Variants in MAP4K3 observed in about 807,000 individuals in gnomAD.
MAP4K3 encodes the protein MAPK/ERK kinase kinase kinase 3.
In MAP4K3, 94 loss-of-function variants were observed where a neutral mutation model predicts 143.5. The observed-to-expected ratio is 0.65, with a 90% confidence interval of 0.55 to 0.78. The LOEUF (loss-of-function observed/expected upper bound fraction) is 0.78, where lower values mean the gene tolerates loss of function less well. MAP4K3 is among the 30% of genes least tolerant of loss of function. The pLI is 0.00. For missense variants in MAP4K3, 1,077 were observed against 1,068.1 expected, an observed-to-expected ratio of 1.01 and a Z score of -0.12; for synonymous variants, 416 against 347.2, an observed-to-expected ratio of 1.20 and a Z score of -2.20.
At chr2:39,415,549 A>G (rs1667346594) in intron 1 of MAP4K3, among the ~76,000 whole-genome samples, 1 of 152,158 alleles carries the variant, frequency 6.6e-6, no homozygotes, top group Non-Finnish European at 1.5e-5. Flanking sequence ...GATCAATCAC[A>G]CTGTGCCACT....
chr2:39,254,611 T>C, intron 31 of MAP4K3, 91 bp from the exon 32 acceptor site: 1 of 885,952 alleles, frequency 1.1e-6, no homozygotes, highest in South Asian at 1.7e-5. Context: ...ACAGCAATAT[T>C]TCAATTCACA....
intron 1 of MAP4K3, among the ~76,000 whole-genome samples, chr2:39,408,303 G>A (rs1667148733): frequency 6.6e-6 from 1 of 152,030 alleles, no homozygotes; most frequent in African/African-American, 2.4e-5. Flanking sequence ...GTTCAACACT[G>A]AAGATGTCAA....
Position 39,381,285 on chromosome 2 carries a change from A to T in MAP4K3, c.97-3162T>A, listed in dbSNP as rs138695042. ...GGACCTGTTTTCAATTTTCCATTTG[A>T]ATATCTTCTTTGGAGAACTGTCTAT... is the stretch of plus-strand genomic sequence containing the variant. On this transcript the variant is annotated intron_variant, in intron 1 of 33. Coordinates refer to ENST00000263881, the MANE Select transcript of MAP4K3 (RefSeq NM_003618.4). Among the ~76,000 whole-genome samples the T allele has an allele frequency of 1.3e-4, 20 of 152,316 alleles. No individual in the cohort carries two copies. In the East Asian group the frequency reaches 3.9e-3, roughly 29 times the overall value.
chr2:39,428,821 G>C (rs1020255719), intron 1 of MAP4K3, among the ~76,000 whole-genome samples: 1 of 151,792 alleles, frequency 6.6e-6, no homozygotes, highest in Non-Finnish European at 1.5e-5. Flanking sequence ...TGTAATCCCA[G>C]CACCTTGGGA....
At chr2:39,254,701 T>C (rs533829901) in intron 31 of MAP4K3, among the ~76,000 whole-genome samples, 181 bp from the exon 32 acceptor site, 4 of 152,240 alleles carry the variant, frequency 2.6e-5, no homozygotes, top group African/African-American at 9.6e-5. Context: ...AGCTTATGCA[T>C]CTTTTTGGTA....
chr2:39,273,406 T>C (rs1681117241), intron 24 of MAP4K3, among the ~76,000 whole-genome samples: 1 of 152,150 alleles, frequency 6.6e-6, no homozygotes, highest in African/African-American at 2.4e-5. Flanking sequence ...AGACTGAAGT[T>C]TGAGAGCCAC....
chr2:39,392,768 A>T (rs1368051504), intron 1 of MAP4K3, among the ~76,000 whole-genome samples: 2 of 152,190 alleles, frequency 1.3e-5, no homozygotes, highest in African/African-American at 4.8e-5. Flanking sequence ...TGAGTTGGTT[A>T]TAAAAGTGAG....
intron 18 of MAP4K3, among the ~76,000 whole-genome samples, 166 bp from the exon 19 acceptor site, chr2:39,290,500 T>G (rs931811609): frequency 1.6e-4 from 25 of 152,162 alleles, no homozygotes; most frequent in Non-Finnish European, 2.9e-5. Flanking sequence ...GCTAGAGGTA[T>G]TATTCAGAAG....
intron 3 of MAP4K3, among the ~76,000 whole-genome samples, chr2:39,348,456 T>A (rs900933198): frequency 6.6e-5 from 10 of 152,176 alleles, no homozygotes; most frequent in Middle Eastern, 3.2e-3. Flanking sequence ...GCTTGAGTAG[T>A]CATAGTCTAT....
intron 2 of MAP4K3, among the ~76,000 whole-genome samples, chr2:39,361,828 C>T (rs1247172637): frequency 6.6e-6 from 1 of 151,688 alleles, no homozygotes; most frequent in Non-Finnish European, 1.5e-5. Flanking sequence ...ATTATAATGA[C>T]ATCTGTCAAG....
rs115941514 is a variant in MAP4K3, at chr2:39,365,319, T to A, written c.155-8980A>T. 6.1e-3 allele frequency among the ~76,000 whole-genome samples: 928 copies of A among 152,160 alleles called. 13 individuals carry two copies. The highest frequency in any genetic ancestry group is 0.021 in the African/African-American group (869 of 41,512). The stretch of plus-strand genomic sequence containing the variant: ...TCGGAGTCTCATTATGATGGTAACA[T>A]CATGGCCTGAACTAGTTTTTCAGGT... On this transcript the variant is annotated intron_variant, in intron 2 of 33. Coordinates refer to ENST00000263881, the MANE Select transcript of MAP4K3 (RefSeq NM_003618.4).
At chr2:39,301,285 A>C (rs1682500897) in intron 15 of MAP4K3, among the ~76,000 whole-genome samples, 1 of 152,224 alleles carries the variant, frequency 6.6e-6, no homozygotes, top group South Asian at 2.1e-4. Flanking sequence ...GTTGACTGTC[A>C]CACTGGTATC....
intron 2 of MAP4K3, among the ~76,000 whole-genome samples, chr2:39,366,311 A>G (rs1318798622): frequency 6.6e-6 from 1 of 152,028 alleles, no homozygotes; most frequent in Non-Finnish European, 1.5e-5. Context: ...GGTTAGAGGG[A>G]GATTTTAAAA....
intron 2 of MAP4K3, among the ~76,000 whole-genome samples, chr2:39,356,910 C>G (rs952338736): frequency 6.6e-6 from 1 of 152,104 alleles, no homozygotes; most frequent in Non-Finnish European, 1.5e-5. Context: ...GGGCAGGAAC[C>G]CTTATACACC....
intron 8 of MAP4K3, among the ~76,000 whole-genome samples, chr2:39,328,041 C>T (rs556689844): frequency 1.2e-4 from 18 of 152,244 alleles, no homozygotes; most frequent in Non-Finnish European, 2.5e-4. Flanking sequence ...TAAAAGTTAG[C>T]GAATGCTGGC....
chr2:39,351,339 C>A (rs1411020096), intron 3 of MAP4K3, among the ~76,000 whole-genome samples: 1 of 152,212 alleles, frequency 6.6e-6, no homozygotes, highest in Non-Finnish European at 1.5e-5. Context: ...GGAATTACAT[C>A]ATTCACAGAG....
At chr2:39,415,131 TA>T (rs1374447973) in intron 1 of MAP4K3, among the ~76,000 whole-genome samples, 2 of 152,182 alleles carry the variant, frequency 1.3e-5, no homozygotes, top group Non-Finnish European at 2.9e-5. Flanking sequence ...CCTACACTTG[TA>T]AAAGTCCAAA....
intron 4 of MAP4K3, among the ~76,000 whole-genome samples, chr2:39,339,139 G>C (rs1056505200): frequency 2.6e-5 from 4 of 152,158 alleles, no homozygotes; most frequent in Non-Finnish European, 4.4e-5. Flanking sequence ...TAACAGATTT[G>C]TAAACATGTT....
intron 1 of MAP4K3, among the ~76,000 whole-genome samples, chr2:39,430,841 T>C (rs1665261615): frequency 6.6e-6 from 1 of 152,208 alleles, no homozygotes; most frequent in Non-Finnish European, 1.5e-5. Flanking sequence ...TACCCACTAT[T>C]GCCAGAACTC....
Sources: allele counts gnomAD v4.1 joint callset (sites outside exome capture counted in the v4.1 genomes callset), GRCh38; gene constraint gnomAD v4.1.1; transcripts MANE v1.5; gene names NCBI Gene and HGNC (gene_info 2026-07-23, HGNC 2026-07-21).